Variants in COL8A1 observed in about 807,000 individuals in gnomAD.
The protein encoded by COL8A1 is collagen type VIII alpha 1 chain, also known as collagen alpha-1(VIII) chain.
A neutral mutation model predicts 42.7 loss-of-function variants in COL8A1; 21 were observed. That is an observed-to-expected ratio of 0.49 (90% CI 0.35 to 0.71). COL8A1 has a LOEUF of 0.71. Among genes scored for constraint, COL8A1 ranks in the 30% least tolerant of loss-of-function variants. The pLI, the probability that COL8A1 is intolerant of heterozygous loss-of-function variation, is 0.01. For synonymous variants in COL8A1, 367 were observed against 369.1 expected, an observed-to-expected ratio of 0.99 and a Z score of 0.06; for missense variants, 788 against 962.4, an observed-to-expected ratio of 0.82 and a Z score of 2.40.
At chr3:99,700,907 C>A (rs1020667751) in intron 1 of COL8A1, among the ~76,000 whole-genome samples, 2 of 152,156 alleles carry the variant, frequency 1.3e-5, no homozygotes, top group Non-Finnish European at 2.9e-5. Flanking sequence ...TACACGTGGG[C>A]TGCCTGACTT....
At chr3:99,765,089 G>C (rs894457238) in intron 2 of COL8A1, among the ~76,000 whole-genome samples, 1 of 152,076 alleles carries the variant, frequency 6.6e-6, no homozygotes, top group East Asian at 1.9e-4. Context: ...GATACAACAA[G>C]GAATAACAGA....
intron 1 of COL8A1, among the ~76,000 whole-genome samples, chr3:99,732,656 C>A (rs193128029): frequency 6.6e-6 from 1 of 152,166 alleles, no homozygotes; most frequent in African/African-American, 2.4e-5. Context: ...GGTGGGGACA[C>A]AGCCAAACCA....
chr3:99,774,283 A>G (rs1173925723), intron 2 of COL8A1, among the ~76,000 whole-genome samples: 2 of 151,736 alleles, frequency 1.3e-5, no homozygotes, highest in African/African-American at 4.8e-5. Context: ...ATATCATTAT[A>G]TGCCAAAAAA....
chr3:99,658,368 C>T (rs546630261), intron 1 of COL8A1, among the ~76,000 whole-genome samples: 2 of 152,274 alleles, frequency 1.3e-5, no homozygotes, highest in Admixed American at 6.5e-5. Context: ...AACACCCTGC[C>T]TTCTCATCGC....
rs1217646824 is a variant in COL8A1, at chr3:99,794,751, G to A, written c.850G>A (p.Gly284Ser). Reference sequence around the variant, plus strand: ...AGTGACAGGCTTCCCTGGGCCCCAGGGCCCCCTGGGAAAGCCAGGGGCTCC... The same window carrying A: ...AGTGACAGGCTTCCCTGGGCCCCAGAGCCCCCTGGGAAAGCCAGGGGCTCC... ...PGVTGFPGPQGPLGKPGAPGE... is the reference protein window; with the variant it reads ...PGVTGFPGPQSPLGKPGAPGE... Residue 284 changes from glycine to serine, a missense_variant, in exon 4 of 4, where the codon GGC becomes AGC. By Grantham distance (56) the Gly-to-Ser change is moderately conservative (BLOSUM62 0). This residue lies in a region of COL8A1 where 421 missense variants were observed against 553.1 expected (regional missense o/e 0.76). Transcript: ENST00000652472. This position sits in a 1 kb window ranked among gnomAD's most constrained non-coding sequence, Gnocchi z 4.3. The A allele has an allele frequency of 6.3e-7, 1 of 1,598,738 alleles. No homozygotes were observed. Among genetic ancestry groups the A allele is most frequent in the Non-Finnish European group, 8.5e-7 (1 of 1,174,636 alleles).
intron 1 of COL8A1, among the ~76,000 whole-genome samples, chr3:99,671,762 G>T (rs891023929): frequency 6.6e-6 from 1 of 151,872 alleles, no homozygotes; most frequent in African/African-American, 2.4e-5. Context: ...CAGTAAGAAG[G>T]TTCTTCACAT....
chr3:99,733,154 A>G (rs955851593), intron 1 of COL8A1, among the ~76,000 whole-genome samples: 1 of 110,862 alleles, frequency 9.0e-6, no homozygotes, highest in Non-Finnish European at 1.9e-5. Context: ...TTTTTTTATT[A>G]TTATTATTAT....
intron 1 of COL8A1, among the ~76,000 whole-genome samples, chr3:99,737,782 G>A (rs1344530838): frequency 3.3e-5 from 5 of 151,982 alleles, no homozygotes; most frequent in Non-Finnish European, 5.9e-5. Flanking sequence ...TGCCTTGCTA[G>A]GTTGGGGAAG....
In COL8A1 at chr3:99,795,853, G is replaced by A. The variant is rs750108911; in HGVS notation, c.1952G>A (p.Gly651Asp). ...AGACAGAACTACAACCCGCAGACAGGCATCTTCACCTGTGAGGTCCCTGGT... is the reference window on the plus strand; with the variant it reads ...AGACAGAACTACAACCCGCAGACAGACATCTTCACCTGTGAGGTCCCTGGT... ...NGRQNYNPQT[G>D]IFTCEVPGVY... The change falls in exon 4 of 4, where the codon GGC becomes GAC. Residue 651 changes from glycine to aspartate, a missense_variant. Transcript: ENST00000652472. 1.2e-6 allele frequency: 2 copies of A among 1,614,170 alleles called. No individual in the cohort carries two copies. The highest frequency in any genetic ancestry group is 1.7e-6 in the Non-Finnish European group (2 of 1,180,032).
intron 1 of COL8A1, among the ~76,000 whole-genome samples, chr3:99,739,604 G>A (rs531096424): frequency 7.2e-5 from 11 of 152,246 alleles, no homozygotes; most frequent in Non-Finnish European, 1.5e-4. Flanking sequence ...CAAAGCTTGG[G>A]GTTTGCACCC....
chr3:99,739,898 T>C (rs4408901), intron 1 of COL8A1, among the ~76,000 whole-genome samples: 33,150 of 152,146 alleles, frequency 0.22, 4,226 homozygotes, highest in African/African-American at 0.34. Flanking sequence ...TTTTCTTTTC[T>C]ATCGCATCAT....
intron 3 of COL8A1, among the ~76,000 whole-genome samples, chr3:99,791,658 A>G (rs368023002): frequency 2.2e-4 from 34 of 152,310 alleles, no homozygotes; most frequent in Middle Eastern, 6.8e-3. Flanking sequence ...ACTTGACGAT[A>G]AATTCATTTG....
rs11923371 is a variant in COL8A1 at position 99,796,712 on chromosome 3, A to G, written c.*576A>G. 0.076 allele frequency: 11,521 copies of G among 152,270 alleles called. 516 individuals are homozygous for G. The highest frequency in any genetic ancestry group is 0.11 in the Admixed American group (1,642 of 15,290). 9.4% of individuals were successfully genotyped at this position (152,270 alleles called of 1,614,324 possible). On this transcript the variant is annotated 3_prime_UTR_variant, in exon 4 of 4. Coordinates refer to ENST00000652472, the MANE Select transcript of COL8A1 (RefSeq NM_020351.4). ...GTCAAAGGGATATCTCTCTTGTATCAGAGGCTGTGTCTTTTAGTAACAGGA... is the reference window on the plus strand; with the variant it reads ...GTCAAAGGGATATCTCTCTTGTATCGGAGGCTGTGTCTTTTAGTAACAGGA...
chr3:99,736,794 T>G (rs1488534668), intron 1 of COL8A1, among the ~76,000 whole-genome samples: 1 of 151,058 alleles, frequency 6.6e-6, no homozygotes, highest in East Asian at 1.9e-4. Context: ...CCTTGTTGAC[T>G]TTCTGTCTCG....
In COL8A1 at chr3:99,795,523, A is replaced by G; in HGVS notation, c.1622A>G (p.His541Arg). The change falls in exon 4 of 4, where the codon CAT becomes CGT. Residue 541 changes from histidine to arginine, a missense_variant. Around this residue, in one of 4 missense-constraint regions of COL8A1, gnomAD observed 154 missense variants for 182.3 expected, o/e 0.84. Transcript: ENST00000652472. The stretch of plus-strand genomic sequence containing the variant: ...GGGAAACCCGGAGTGGCAGGACTTC[A>G]TGGCCCCCCAGGGAAGCCTGGTGCC... ...GIGKPGVAGL[H>R]GPPGKPGALG... 6.3e-7 allele frequency: 1 copy of G among 1,596,340 alleles called. No individual in the cohort carries two copies.
intron 2 of COL8A1, among the ~76,000 whole-genome samples, chr3:99,747,512 A>C (rs1209854724): frequency 2.6e-5 from 4 of 152,234 alleles, no homozygotes; most frequent in African/African-American, 9.6e-5. Context: ...TATCTGTTTT[A>C]TTAATCAAGC....
chr3:99,771,323 T>C (rs992889745), intron 2 of COL8A1, among the ~76,000 whole-genome samples: 2 of 152,206 alleles, frequency 1.3e-5, no homozygotes, highest in East Asian at 3.8e-4. Flanking sequence ...CAAAGTTAAA[T>C]ACATTCATGA....
chr3:99,653,164 A>G (rs780027019), intron 1 of COL8A1, among the ~76,000 whole-genome samples: 3 of 152,236 alleles, frequency 2.0e-5, no homozygotes, highest in Non-Finnish European at 4.4e-5. Context: ...ATGAAAACCA[A>G]TTATTGAATG....
At chr3:99,773,697 C>G (rs969550748) in intron 2 of COL8A1, among the ~76,000 whole-genome samples, 15 of 149,874 alleles carry the variant, frequency 1.0e-4, no homozygotes, top group Non-Finnish European at 2.2e-4. Context: ...ATAGCTTACC[C>G]TATGTAGCTT....
Sources: allele counts gnomAD v4.1 joint callset (sites outside exome capture counted in the v4.1 genomes callset), GRCh38; gene constraint gnomAD v4.1.1; regional missense constraint gnomAD v4.1.1; non-coding constraint Gnocchi (gnomAD v3.1); transcripts MANE v1.5; gene names NCBI Gene and HGNC (gene_info 2026-07-23, HGNC 2026-07-21).